SLC44A5: variants seen among roughly 807,000 people sequenced by gnomAD.
SLC44A5 encodes the protein solute carrier family 44 member 5, also known as choline transporter-like protein 5.
A neutral mutation model predicts 101.8 loss-of-function variants in SLC44A5; 57 were observed. That is an observed-to-expected ratio of 0.56 (90% CI 0.45 to 0.70). SLC44A5 has a LOEUF of 0.70. Among genes scored for constraint, SLC44A5 ranks in the 30% least tolerant of loss-of-function variants. SLC44A5 has a pLI of 0.00. For missense variants in SLC44A5, 737 were observed against 853.1 expected (o/e 0.86, Z 1.70); for synonymous variants, 281 against 290.9 (o/e 0.97, Z 0.35).
chr1:75,424,314 T>C (rs1451269622), intron 2 of SLC44A5, among the ~76,000 whole-genome samples: 1 of 152,150 alleles, frequency 6.6e-6, no homozygotes, highest in Non-Finnish European at 1.5e-5. Context: ...GTTTGTTTGT[T>C]TTGTTTTTTG....
chr1:75,478,006 G>C (rs1667544892), intron 2 of SLC44A5, among the ~76,000 whole-genome samples: 1 of 152,138 alleles, frequency 6.6e-6, no homozygotes, highest in East Asian at 1.9e-4. Flanking sequence ...CAGAGAGAAA[G>C]GTCGGGTTAC....
intron 2 of SLC44A5, among the ~76,000 whole-genome samples, chr1:75,424,334 C>T (rs576275274): frequency 7.9e-5 from 12 of 152,232 alleles, no homozygotes; most frequent in African/African-American, 2.6e-4. Context: ...GAGATGGAGT[C>T]TCGCTCTGTC....
chr1:75,525,064 A>C (rs930283882), intron 2 of SLC44A5, among the ~76,000 whole-genome samples: 15 of 152,164 alleles, frequency 9.9e-5, no homozygotes, highest in African/African-American at 3.4e-4. Context: ...AAAAAATGAT[A>C]TAAATTAGAA....
At chr1:75,568,114 G>T (rs1189305446) in intron 1 of SLC44A5, among the ~76,000 whole-genome samples, 1 of 152,112 alleles carries the variant, frequency 6.6e-6, no homozygotes, top group Non-Finnish European at 1.5e-5. Flanking sequence ...TTCCATGCAA[G>T]AAGTCTTCAC....
chr1:75,217,858 A>C lies in SLC44A5; in HGVS notation c.1624+8T>G. On this transcript the variant is annotated splice_region_variant and intron_variant, in intron 18 of 23. Coordinates refer to ENST00000370859, the MANE Select transcript of SLC44A5 (RefSeq NM_001130058.2). ...TCTTCACAAAAGTCAGGACATCTGA[A>C]ATCTTACGTTTAAGACGGTGGTCCA... is the stretch of plus-strand genomic sequence containing the variant. 1 of 1,546,710 alleles carries C rather than the reference A, an allele frequency of 6.5e-7. No individual in the cohort carries two copies. The highest frequency in any genetic ancestry group is 1.1e-5 in the South Asian group (1 of 89,542).
intron 2 of SLC44A5, among the ~76,000 whole-genome samples, chr1:75,525,840 A>G (rs1032317800): frequency 5.3e-5 from 8 of 152,246 alleles, no homozygotes; most frequent in African/African-American, 1.7e-4. Context: ...TCACATACTT[A>G]CAAATAGCTA....
the SLC44A5 span, among the ~76,000 whole-genome samples, chr1:75,658,561 C>A: frequency 6.6e-6 from 1 of 152,090 alleles, no homozygotes; most frequent in African/African-American, 2.4e-5. Flanking sequence ...AAAGCAATTA[C>A]AACATTTCTT....
chr1:75,571,553 T>C (rs211757), intron 1 of SLC44A5, among the ~76,000 whole-genome samples: 50,848 of 151,858 alleles, frequency 0.33, 9,238 homozygotes, highest in East Asian at 0.78. Flanking sequence ...TAGCACAGTA[T>C]TCAAAAAAAA....
chr1:75,305,066 AAAGAAT>A (rs1654798634), intron 4 of SLC44A5, among the ~76,000 whole-genome samples: 1 of 152,236 alleles, frequency 6.6e-6, no homozygotes, highest in Non-Finnish European at 1.5e-5. Context: ...TTCCAAATTA[AAAGAAT>A]AAGAATAGGA....
chr1:75,517,562 G>A (rs772115399), intron 2 of SLC44A5, among the ~76,000 whole-genome samples: 8 of 152,104 alleles, frequency 5.3e-5, no homozygotes, highest in East Asian at 1.9e-4. Flanking sequence ...GCAAGAGGCC[G>A]ACAAGAGAGG....
intron 7 of SLC44A5, among the ~76,000 whole-genome samples, chr1:75,248,484 G>A (rs545618679): frequency 2.0e-5 from 3 of 152,206 alleles, no homozygotes; most frequent in East Asian, 1.9e-4. Flanking sequence ...TGACATAGAC[G>A]AAGATAGGCA....
At chr1:75,474,436 C>T (rs1366613295) in intron 2 of SLC44A5, among the ~76,000 whole-genome samples, 1 of 152,188 alleles carries the variant, frequency 6.6e-6, no homozygotes. Flanking sequence ...AATACTAATG[C>T]TTTCAAATTC....
At chr1:75,606,093 A>G (rs1675309690) in intron 1 of SLC44A5, among the ~76,000 whole-genome samples, 1 of 151,642 alleles carries the variant, frequency 6.6e-6, no homozygotes, top group Non-Finnish European at 1.5e-5. Flanking sequence ...TAGTTCCCGC[A>G]CAATTTTTTT....
chr1:75,607,583 C>T (rs1318045204), intron 1 of SLC44A5, among the ~76,000 whole-genome samples: 1 of 152,022 alleles, frequency 6.6e-6, no homozygotes, highest in Non-Finnish European at 1.5e-5. Flanking sequence ...CCACCCAAAT[C>T]TCATCTTGAA....
chr1:75,276,405 T>C (rs535650525), intron 5 of SLC44A5, among the ~76,000 whole-genome samples: 1 of 152,338 alleles, frequency 6.6e-6, no homozygotes, highest in African/African-American at 2.4e-5. Context: ...ATTTTACCTA[T>C]TTTTCTGTAA....
At chr1:75,272,269 A>G (rs567952911) in intron 6 of SLC44A5, among the ~76,000 whole-genome samples, 3 of 145,268 alleles carry the variant, frequency 2.1e-5, no homozygotes, top group African/African-American at 7.6e-5. Context: ...TGAGTTGTCT[A>G]TTTACTCTGC....
the SLC44A5 span, among the ~76,000 whole-genome samples, chr1:75,633,402 G>A: frequency 4.6e-5 from 7 of 152,250 alleles, no homozygotes; most frequent in African/African-American, 1.7e-4. Context: ...TCATTGAGCA[G>A]TGGTTTGTAG....
chr1:75,621,809 G>C, the SLC44A5 span, among the ~76,000 whole-genome samples: 1 of 152,114 alleles, frequency 6.6e-6, no homozygotes, highest in Admixed American at 6.5e-5. Flanking sequence ...TGACTGGAAA[G>C]GTTAAAATAG....
At chr1:75,544,017 G>A (rs895742501) in intron 1 of SLC44A5, among the ~76,000 whole-genome samples, 1 of 152,038 alleles carries the variant, frequency 6.6e-6, no homozygotes, top group African/African-American at 2.4e-5. Flanking sequence ...CAGAAGAGTT[G>A]GAAAATGCTA....
Sources: gnomAD v4.1 joint callset for allele counts (sites outside exome capture counted in the v4.1 genomes callset) on GRCh38, gnomAD v4.1.1 for gene constraint, MANE v1.5 for transcripts, NCBI Gene and HGNC (gene_info 2026-07-23, HGNC 2026-07-21) for gene names.